The following ERBB4 variants were observed in gnomAD, a reference collection of about 807,000 sequenced individuals.
ERBB4 encodes erb-b2 receptor tyrosine kinase 4, also known as receptor tyrosine-protein kinase erbB-4.
In ERBB4, 42 loss-of-function variants were observed where a neutral mutation model predicts 158.0. That is an observed-to-expected ratio of 0.27 (90% CI 0.21 to 0.34). The LOEUF (loss-of-function observed/expected upper bound fraction) is 0.34. ERBB4 is among the 10% of genes least tolerant of loss of function. The pLI is 1.00. For synonymous variants in ERBB4, 583 were observed against 558.7 expected (o/e 1.04, Z -0.61); for missense variants, 1,333 against 1,624.1 (o/e 0.82, Z 3.08).
intron 1 of ERBB4, among the ~76,000 whole-genome samples, chr2:212,501,559 T>C (rs1447568632): frequency 2.0e-5 from 3 of 152,090 alleles, no homozygotes; most frequent in Non-Finnish European, 2.9e-5. Context: ...GAAAAGAAAT[T>C]TTCAGGATTT....
At chr2:212,347,808 C>T (rs1158605807) in intron 1 of ERBB4, among the ~76,000 whole-genome samples, 1 of 151,978 alleles carries the variant, frequency 6.6e-6, no homozygotes, top group Non-Finnish European at 1.5e-5. Context: ...TTAATTTCAA[C>T]ATTTAATTAA....
Position 211,798,620 on chromosome 2 carries a change from G to C in ERBB4, c.422-10461C>G, listed in dbSNP as rs2076432899. On this transcript the variant is annotated intron_variant, in intron 3 of 27. Transcript: ENST00000342788. Reference sequence around the variant, plus strand: ...AATAAGTTAATAATATAGTTCAGGAGCTTTGTCTAAACTATTTTAAAACCT... The same window carrying C: ...AATAAGTTAATAATATAGTTCAGGACCTTTGTCTAAACTATTTTAAAACCT... 2.0e-5 allele frequency among the ~76,000 whole-genome samples: 3 copies of C among 152,072 alleles called. No homozygotes were observed. The South Asian group carries it at 6.2e-4, about 31-fold the overall frequency.
At chr2:212,159,169 C>A (rs925029212) in intron 1 of ERBB4, among the ~76,000 whole-genome samples, 1 of 151,726 alleles carries the variant, frequency 6.6e-6, no homozygotes, top group African/African-American at 2.4e-5. Flanking sequence ...GACTTAGAAA[C>A]ACTTTGCTGA....
chr2:211,695,666 A>G lies in ERBB4; in HGVS notation c.1489+6301T>C, dbSNP rs540313131. 1.6e-3 allele frequency among the ~76,000 whole-genome samples: 243 copies of G among 152,238 alleles called. 1 individual carries two copies. The highest frequency in any genetic ancestry group is 0.014 in the Middle Eastern group (4 of 292). On this transcript the variant is annotated intron_variant, in intron 12 of 27. Coordinates refer to ENST00000342788, the MANE Select transcript of ERBB4 (RefSeq NM_005235.3). ...TAACATAATAACTAATATTCCTTCCATATCTCCCAATGGTTGATGTTTTTC... is the reference window on the plus strand; with the variant it reads ...TAACATAATAACTAATATTCCTTCCGTATCTCCCAATGGTTGATGTTTTTC...
At chr2:211,618,473 A>C (rs2069476691) in intron 19 of ERBB4, among the ~76,000 whole-genome samples, 1 of 151,890 alleles carries the variant, frequency 6.6e-6, no homozygotes, top group African/African-American at 2.4e-5. Flanking sequence ...TGCCACAGAG[A>C]ACACGTAGCA....
At chr2:211,587,417 C>T (rs1188459043) in intron 19 of ERBB4, among the ~76,000 whole-genome samples, 1 of 152,036 alleles carries the variant, frequency 6.6e-6, no homozygotes, top group East Asian at 1.9e-4. Context: ...TGACTAGTGT[C>T]CTTATAACAG....
chr2:212,398,135 CAT>C lies in ERBB4; in HGVS notation c.82+140312_82+140313del, dbSNP rs143255570. ...GTGTGTGTGTGTGTATATATATACA[CAT>C]ATATATATACACACATATATATGTA... On this transcript the variant is annotated intron_variant, in intron 1 of 27. Coordinates refer to ENST00000342788, the MANE Select transcript of ERBB4 (RefSeq NM_005235.3). Among the ~76,000 whole-genome samples, 9 of 150,448 alleles carry C rather than the reference CAT, an allele frequency of 6.0e-5. No individual in the cohort carries two copies. In the South Asian group the frequency reaches 8.4e-4, roughly 14 times the overall value.
chr2:212,344,222 C>T (rs189116554), intron 1 of ERBB4, among the ~76,000 whole-genome samples: 37 of 152,242 alleles, frequency 2.4e-4, no homozygotes, highest in Non-Finnish European at 4.9e-4. Context: ...GGCCTCTGAA[C>T]TAATGACATC....
At position 212,275,131 on chromosome 2, in the gene ERBB4, C is replaced by A. The variant is rs1220649531; in HGVS notation, c.83-150228G>T. Among the ~76,000 whole-genome samples the A allele has an allele frequency of 2.0e-5, 3 of 151,922 alleles. No homozygotes were observed. The East Asian group carries it at 5.8e-4, about 29-fold the overall frequency. On this transcript the variant is annotated intron_variant, in intron 1 of 27. Coordinates refer to ENST00000342788, the MANE Select transcript of ERBB4 (RefSeq NM_005235.3). Reference sequence around the variant, plus strand: ...CCTTTTTTATGGCTGCATAGTATTTCATGGTGAACATGTGCCAAATTTTCT... The same window carrying A: ...CCTTTTTTATGGCTGCATAGTATTTAATGGTGAACATGTGCCAAATTTTCT...
At chr2:211,550,971 C>T (rs775813931) in intron 20 of ERBB4, among the ~76,000 whole-genome samples, 3 of 151,112 alleles carry the variant, frequency 2.0e-5, no homozygotes, top group Admixed American at 6.6e-5. Context: ...GACAGGGTCT[C>T]GCTCTGTCGC....
intron 1 of ERBB4, among the ~76,000 whole-genome samples, chr2:212,351,440 G>C (rs890000327): frequency 6.6e-6 from 1 of 152,174 alleles, no homozygotes; most frequent in South Asian, 2.1e-4. Context: ...CAGTGAGAAT[G>C]ACAGAGAACA....
chr2:211,848,869 C>G (rs2077653444), intron 3 of ERBB4, among the ~76,000 whole-genome samples: 1 of 152,040 alleles, frequency 6.6e-6, no homozygotes. Flanking sequence ...ATGCAACTAG[C>G]AGATGCTCAG....
At chr2:212,233,354 T>C (rs992275722) in intron 1 of ERBB4, among the ~76,000 whole-genome samples, 1 of 152,138 alleles carries the variant, frequency 6.6e-6, no homozygotes, top group Non-Finnish European at 1.5e-5. Flanking sequence ...GAAATAACTA[T>C]ATATGTATAT....
intron 1 of ERBB4, among the ~76,000 whole-genome samples, chr2:212,216,101 T>A (rs2083091164): frequency 6.6e-6 from 1 of 151,340 alleles, no homozygotes; most frequent in Non-Finnish European, 1.5e-5. Context: ...AGTTTCCACA[T>A]CATTTGTGGA....
chr2:211,552,825 A>G (rs2067136937), intron 20 of ERBB4, among the ~76,000 whole-genome samples: 1 of 152,158 alleles, frequency 6.6e-6, no homozygotes, highest in African/African-American at 2.4e-5. Context: ...AGTCAAACAA[A>G]TATTAACCTT....
intron 20 of ERBB4, chr2:211,535,520 G>A (rs1574694866): frequency 6.6e-6 from 1 of 151,712 alleles, no homozygotes; most frequent in Admixed American, 6.6e-5. Flanking sequence ...TCCGAAATGG[G>A]AATAATGTAT....
intron 1 of ERBB4, among the ~76,000 whole-genome samples, chr2:212,507,237 A>C (rs758617202): frequency 2.6e-5 from 4 of 152,142 alleles, no homozygotes; most frequent in African/African-American, 7.2e-5. Context: ...TCCTTTCAAA[A>C]TATTACTGCT....
intron 1 of ERBB4, among the ~76,000 whole-genome samples, chr2:212,253,828 CAG>C (rs917973233): frequency 3.3e-5 from 5 of 152,130 alleles, no homozygotes; most frequent in African/African-American, 1.2e-4. Flanking sequence ...GGGAACATCA[CAG>C]AGTGTATTTA....
intron 2 of ERBB4, among the ~76,000 whole-genome samples, chr2:212,019,684 AC>A: frequency 6.7e-6 from 1 of 149,586 alleles, no homozygotes; most frequent in Non-Finnish European, 1.5e-5. Context: ...AATTGCTTGA[AC>A]CCAGGAGGTG....
Sources: gnomAD v4.1 joint callset for allele counts (sites outside exome capture counted in the v4.1 genomes callset) on GRCh38, gnomAD v4.1.1 for gene constraint, MANE v1.5 for transcripts, NCBI Gene and HGNC (gene_info 2026-07-23, HGNC 2026-07-21) for gene names.